NXPH1: variants seen among roughly 807,000 people sequenced by gnomAD.
NXPH1 encodes neurexophilin 1.
In NXPH1, 5 loss-of-function variants were observed where a neutral mutation model predicts 23.7. That is an observed-to-expected ratio of 0.21 (90% CI 0.11 to 0.44). NXPH1 has a LOEUF of 0.44. Among genes scored for constraint, NXPH1 ranks in the 20% least tolerant of loss-of-function variants. The probability of loss-of-function intolerance (pLI) is 0.99; values close to 1 mark genes in which losing one functional copy is unlikely to be tolerated. For missense variants in NXPH1, 324 were observed against 321.6 expected, an observed-to-expected ratio of 1.01 and a Z score of -0.06; for synonymous variants, 144 against 122.2, an observed-to-expected ratio of 1.18 and a Z score of -1.18.
chr7:8,687,315 G>A (rs1821162320), intron 2 of NXPH1, among the ~76,000 whole-genome samples: 1 of 152,036 alleles, frequency 6.6e-6, no homozygotes, highest in African/African-American at 2.4e-5. Context: ...ACTCCAAGAA[G>A]GAGGAGTGCT....
intron 2 of NXPH1, among the ~76,000 whole-genome samples, chr7:8,662,445 C>T (rs1410204852): frequency 6.6e-6 from 1 of 151,900 alleles, no homozygotes; most frequent in East Asian, 1.9e-4. Flanking sequence ...AACTTTTTGA[C>T]CAATATATTT....
intron 2 of NXPH1, among the ~76,000 whole-genome samples, chr7:8,618,675 A>G (rs902499496): frequency 3.9e-5 from 6 of 152,194 alleles, no homozygotes; most frequent in African/African-American, 9.6e-5. Flanking sequence ...CCTTTTGCTA[A>G]TGCATTGTTT....
chr7:8,446,993 A>G (rs1816417543), intron 2 of NXPH1, among the ~76,000 whole-genome samples: 1 of 152,280 alleles, frequency 6.6e-6, no homozygotes, highest in Non-Finnish European at 1.5e-5. Context: ...TGACTTATCA[A>G]CTGGCTAGAT....
chr7:8,463,652 C>T (rs978981870), intron 2 of NXPH1, among the ~76,000 whole-genome samples: 2 of 151,970 alleles, frequency 1.3e-5, no homozygotes, highest in Non-Finnish European at 2.9e-5. Flanking sequence ...CTACTTATTT[C>T]AATTATTTGC....
At chr7:8,621,826 TTAATAA>T (rs1457892500) in intron 2 of NXPH1, among the ~76,000 whole-genome samples, 2 of 152,156 alleles carry the variant, frequency 1.3e-5, no homozygotes, top group African/African-American at 4.8e-5. Context: ...ATTATCTCAC[TTAATAA>T]TAATAACTTT....
intron 2 of NXPH1, among the ~76,000 whole-genome samples, chr7:8,745,246 T>C (rs1780446975): frequency 6.6e-6 from 1 of 152,184 alleles, no homozygotes; most frequent in South Asian, 2.1e-4. Context: ...TGGTGTACAG[T>C]ATAAGGCTAT....
At position 8,435,848 on chromosome 7, in the gene NXPH1, T is replaced by G. The variant is rs767507254; in HGVS notation, c.54+81T>G. 33 of 1,321,200 alleles carry G rather than the reference T, an allele frequency of 2.5e-5. No individual in the cohort carries two copies. In the Middle Eastern group the frequency reaches 2.2e-3, roughly 88 times the overall value. 81.8% of individuals were successfully genotyped at this position (1,321,200 alleles called of 1,614,324 possible). ...AAACTGGGGACACGCGGGAGAAGGG[T>G]TACGCCGCCAGTTCAGTGAGAGCAG... On this transcript the variant is annotated intron_variant, in intron 2 of 2. Transcript: ENST00000405863. This position sits in a 1 kb window ranked among gnomAD's most constrained non-coding sequence, Gnocchi z 5.9.
chr7:8,603,130 G>T (rs758533215), intron 2 of NXPH1, among the ~76,000 whole-genome samples: 3 of 152,228 alleles, frequency 2.0e-5, no homozygotes, highest in South Asian at 2.1e-4. Context: ...GTCTTTTGCA[G>T]CTCTTAGCAT....
chr7:8,681,523 T>C (rs187094560), intron 2 of NXPH1, among the ~76,000 whole-genome samples: 11 of 152,228 alleles, frequency 7.2e-5, no homozygotes, highest in Non-Finnish European at 1.3e-4. Context: ...GCCCTGACGT[T>C]TGCTGCATCC....
At chr7:8,737,030 G>A (rs757403238) in intron 2 of NXPH1, among the ~76,000 whole-genome samples, 19 of 151,742 alleles carry the variant, frequency 1.3e-4, no homozygotes, top group Non-Finnish European at 2.4e-4. Flanking sequence ...GTGTGTGTTT[G>A]CATGTCAGAT....
intron 2 of NXPH1, among the ~76,000 whole-genome samples, chr7:8,541,329 C>T (rs1249344335): frequency 2.0e-5 from 3 of 151,658 alleles, no homozygotes; most frequent in African/African-American, 7.3e-5. Context: ...AAGAGGACAT[C>T]AGTGAGTTGT....
intron 2 of NXPH1, among the ~76,000 whole-genome samples, chr7:8,649,655 C>G (rs1317542623): frequency 1.3e-5 from 2 of 152,136 alleles, no homozygotes; most frequent in Non-Finnish European, 2.9e-5. Flanking sequence ...TGTTTCTTGT[C>G]TTTGTTGGCT....
At chr7:8,734,510 G>A (rs912953685) in intron 2 of NXPH1, among the ~76,000 whole-genome samples, 1 of 152,296 alleles carries the variant, frequency 6.6e-6, no homozygotes, top group Non-Finnish European at 1.5e-5. Flanking sequence ...CCATGAGCAT[G>A]GAATGTTTTT....
At chr7:8,620,237 A>G (rs368764460) in intron 2 of NXPH1, among the ~76,000 whole-genome samples, 6 of 152,322 alleles carry the variant, frequency 3.9e-5, no homozygotes, top group Admixed American at 2.6e-4. Flanking sequence ...TTGAAAGATT[A>G]CTAGGTGCCT....
At chr7:8,585,471 G>A (rs1434634618) in intron 2 of NXPH1, among the ~76,000 whole-genome samples, 4 of 152,162 alleles carry the variant, frequency 2.6e-5, no homozygotes, top group African/African-American at 9.7e-5. Context: ...TCATTCATGG[G>A]TAAATCATAA....
chr7:8,448,141 C>A (rs149173204), intron 2 of NXPH1, among the ~76,000 whole-genome samples: 81 of 152,322 alleles, frequency 5.3e-4, no homozygotes, highest in Non-Finnish European at 9.8e-4. Flanking sequence ...TGACTTTGGG[C>A]AAGCTTAACT....
chr7:8,731,955 C>A (rs1358837477), intron 2 of NXPH1, among the ~76,000 whole-genome samples: 1 of 152,228 alleles, frequency 6.6e-6, no homozygotes, highest in East Asian at 1.9e-4. Context: ...TGCTGCCTTG[C>A]AGTTTGATCT....
At chr7:8,649,524 T>G (rs1820456085) in intron 2 of NXPH1, among the ~76,000 whole-genome samples, 1 of 152,142 alleles carries the variant, frequency 6.6e-6, no homozygotes, top group Non-Finnish European at 1.5e-5. Flanking sequence ...TTAGTATTTC[T>G]CTTCGGTGGG....
intron 2 of NXPH1, among the ~76,000 whole-genome samples, chr7:8,484,460 C>A (rs1162345101): frequency 1.3e-5 from 2 of 152,024 alleles, no homozygotes; most frequent in Non-Finnish European, 2.9e-5. Flanking sequence ...TGACAAAGCA[C>A]TTAGACTTTC....
Sources: gnomAD v4.1 joint callset for allele counts (sites outside exome capture counted in the v4.1 genomes callset) on GRCh38, gnomAD v4.1.1 for gene constraint, Gnocchi (gnomAD v3.1) non-coding constraint, MANE v1.5 for transcripts, NCBI Gene and HGNC (gene_info 2026-07-23, HGNC 2026-07-21) for gene names.